Variants in NOX4 observed in about 807,000 individuals in gnomAD.
NOX4 encodes the protein NADPH oxidase 4, also known as kidney oxidase-1.
A neutral mutation model predicts 87.6 loss-of-function variants in NOX4; 69 were observed. The ratio of observed to expected loss-of-function variants is 0.79; its 90% CI spans 0.65 to 0.96. The LOEUF (loss-of-function observed/expected upper bound fraction) is 0.96, where lower values mean the gene tolerates loss of function less well. Ranked by LOEUF, NOX4 falls within the 40% of genes least tolerant of loss-of-function variation. NOX4 has a pLI of 0.00. For missense variants in NOX4, 680 were observed against 681.5 expected (o/e 1.00, Z 0.02); for synonymous variants, 275 against 238.2 (o/e 1.15, Z -1.42).
At chr11:89,487,560 G>A (rs1349309529) in intron 2 of NOX4, among the ~76,000 whole-genome samples, 1 of 151,968 alleles carries the variant, frequency 6.6e-6, no homozygotes, top group Non-Finnish European at 1.5e-5. Context: ...ATTTTAAATG[G>A]TACAATGAAA....
intron 10 of NOX4, 51 bp from the exon 11 acceptor site, chr11:89,400,130 C>G: frequency 6.3e-7 from 1 of 1,577,184 alleles, no homozygotes; most frequent in Non-Finnish European, 8.7e-7. Flanking sequence ...AGAATTTCAA[C>G]TATTTCAATG....
chr11:89,589,489 G>A, the NOX4 span: 12 of 152,338 alleles, frequency 7.9e-5, no homozygotes, highest in African/African-American at 2.9e-4. Context: ...GGCATGCTGT[G>A]AGAAGTTCAA....
upstream of NOX4, among the ~76,000 whole-genome samples, chr11:89,499,384 G>C (rs888554751): frequency 6.6e-5 from 10 of 152,116 alleles, no homozygotes; most frequent in Non-Finnish European, 1.3e-4. Context: ...AACCAGTTTA[G>C]GTTATTTTCA....
chr11:89,560,155 T>C, the NOX4 span, among the ~76,000 whole-genome samples: 3 of 151,878 alleles, frequency 2.0e-5, no homozygotes, highest in Non-Finnish European at 2.9e-5. Context: ...GATGAACACA[T>C]GAAGATAAAA....
chr11:89,532,284 T>C, the NOX4 span, among the ~76,000 whole-genome samples: 3 of 152,124 alleles, frequency 2.0e-5, no homozygotes, highest in Non-Finnish European at 2.9e-5. Context: ...CTATGGAAGC[T>C]CTACCCTACA....
chr11:89,412,597 A>G (rs1202550792), intron 8 of NOX4, among the ~76,000 whole-genome samples: 1 of 152,120 alleles, frequency 6.6e-6, no homozygotes, highest in African/African-American at 2.4e-5. Flanking sequence ...AAATTTTAAA[A>G]CTTTTTGAAA....
chr11:89,478,809 T>C lies in NOX4; in HGVS notation c.153+11649A>G, dbSNP rs116590411. Among the ~76,000 whole-genome samples, 435 of 152,260 alleles carry C rather than the reference T, an allele frequency of 2.9e-3. 1 individual carries two copies. The highest frequency in any genetic ancestry group is 0.01 in the African/African-American group (417 of 41,544). On this transcript the variant is annotated intron_variant, in intron 2 of 17. Transcript: ENST00000263317. ...CGTTTGACTCATTCTTTCACTCTTA[T>C]GTTTTTTAAAAATGTACAAAATCAA...
At chr11:89,400,588 A>C (rs1391754310) in intron 9 of NOX4, among the ~76,000 whole-genome samples, 4 of 151,998 alleles carry the variant, frequency 2.6e-5, no homozygotes, top group Admixed American at 2.0e-4. Context: ...TAATATCAAG[A>C]CCCTACCCTC....
At chr11:89,414,264 G>A (rs1200021227) in intron 8 of NOX4, among the ~76,000 whole-genome samples, 2 of 151,882 alleles carry the variant, frequency 1.3e-5, no homozygotes, top group African/African-American at 2.4e-5. Flanking sequence ...ACTTGGGTTC[G>A]TTTATGTATT....
chr11:89,431,185 A>T (rs1161560720), intron 7 of NOX4, among the ~76,000 whole-genome samples: 4 of 152,174 alleles, frequency 2.6e-5, no homozygotes, highest in Admixed American at 2.6e-4. Flanking sequence ...CCTTCCTTAC[A>T]CCTTATACAA....
At chr11:89,486,187 A>G (rs1946581795) in intron 2 of NOX4, among the ~76,000 whole-genome samples, 1 of 151,492 alleles carries the variant, frequency 6.6e-6, no homozygotes, top group African/African-American at 2.4e-5. Context: ...TTCATTCTCA[A>G]AGATTCCCAC....
intron 7 of NOX4, among the ~76,000 whole-genome samples, chr11:89,425,183 T>C (rs1943308798): frequency 2.6e-5 from 4 of 152,018 alleles, no homozygotes. Context: ...TAATGATTCC[T>C]CTATCTAAAT....
At chr11:89,393,735 C>T (rs867386731) in intron 11 of NOX4, among the ~76,000 whole-genome samples, 4 of 152,058 alleles carry the variant, frequency 2.6e-5, no homozygotes, top group African/African-American at 9.7e-5. Flanking sequence ...GATGCCCTTC[C>T]AGGTAAGTAT....
Position 89,491,288 on chromosome 11 carries a change from G to A in NOX4, c.-42C>T, listed in dbSNP as rs562968444. On this transcript the variant is annotated 5_prime_UTR_variant, in exon 1 of 18. Coordinates refer to ENST00000263317, the MANE Select transcript of NOX4 (RefSeq NM_016931.5). ...CGCTGCGCTCTGTGCCCGCCGGACC[G>A]AGAAGGAGCGGGCGGCGGCCGGGGC... 6.3e-6 allele frequency: 10 copies of A among 1,583,924 alleles called. No homozygotes were observed. The East Asian group carries it at 9.1e-5, about 14-fold the overall frequency.
intron 11 of NOX4, among the ~76,000 whole-genome samples, chr11:89,399,432 A>AAAAT (rs1290741300): frequency 1.3e-5 from 1 of 75,644 alleles, no homozygotes; most frequent in African/African-American, 5.1e-5. Context: ...CAAGAAATTA[A>AAAAT]ATATATATAT....
At chr11:89,431,946 C>T (rs180906123) in intron 7 of NOX4, among the ~76,000 whole-genome samples, 3 of 152,066 alleles carry the variant, frequency 2.0e-5, no homozygotes, top group Admixed American at 6.6e-5. Flanking sequence ...GACTTGGAAC[C>T]AACCCAAATG....
At chr11:89,554,387 A>AT in the NOX4 span, among the ~76,000 whole-genome samples, 3 of 152,080 alleles carry the variant, frequency 2.0e-5, no homozygotes, top group South Asian at 2.1e-4. Flanking sequence ...AACCAATAAT[A>AT]TTTTTTAAAT....
At chr11:89,581,072 T>C in the NOX4 span, among the ~76,000 whole-genome samples, 1 of 152,150 alleles carries the variant, frequency 6.6e-6, no homozygotes, top group African/African-American at 2.4e-5. Context: ...TGTCTGAGGG[T>C]TGACAGGTAA....
At chr11:89,390,978 G>T (rs1941078966) in intron 11 of NOX4, among the ~76,000 whole-genome samples, 2 of 151,990 alleles carry the variant, frequency 1.3e-5, no homozygotes, top group Admixed American at 6.6e-5. Context: ...TTCTGTAGTT[G>T]CACCCTCTAA....
Sources: gnomAD v4.1 joint callset for allele counts (sites outside exome capture counted in the v4.1 genomes callset) on GRCh38, gnomAD v4.1.1 for gene constraint, MANE v1.5 for transcripts, NCBI Gene and HGNC (gene_info 2026-07-23, HGNC 2026-07-21) for gene names.